Variants in BAZ2B observed in about 807,000 individuals in gnomAD.
The protein encoded by BAZ2B is bromodomain adjacent to zinc finger domain protein 2B.
BAZ2B carries 91 observed loss-of-function variants against 246.0 expected under a neutral mutation model. The ratio of observed to expected loss-of-function variants is 0.37; its 90% CI spans 0.31 to 0.44. The LOEUF (loss-of-function observed/expected upper bound fraction) is 0.44, where lower values mean the gene tolerates loss of function less well. Among genes scored for constraint, BAZ2B ranks in the 20% least tolerant of loss-of-function variants. BAZ2B has a pLI of 1.00. For synonymous variants in BAZ2B, 855 were observed against 860.0 expected (o/e 0.99, Z 0.10); for missense variants, 2,332 against 2,533.7 (o/e 0.92, Z 1.71).
intron 31 of BAZ2B, among the ~76,000 whole-genome samples, chr2:159,339,001 C>G (rs1348079664): frequency 1.3e-5 from 2 of 151,938 alleles, no homozygotes; most frequent in Non-Finnish European, 2.9e-5. Context: ...TGTCCACTGC[C>G]TGAGATGCAA....
chr2:159,404,550 A>C (rs2065598452), intron 16 of BAZ2B: 2 of 255,708 alleles, frequency 7.8e-6, no homozygotes, highest in Non-Finnish European at 1.5e-5. Flanking sequence ...TCATTGACTG[A>C]TACATTAATT....
Position 159,320,083 on chromosome 2 carries a change from C to T in BAZ2B, c.*182G>A. ...ATCACACAAACCAATAACCGAGGGC[C>T]TTGGTTGTTGTAGGAATGAAGCCTT... On this transcript the variant is annotated 3_prime_UTR_variant, in exon 37 of 37. Coordinates refer to ENST00000392783, the MANE Select transcript of BAZ2B (RefSeq NM_013450.4). 2.0e-6 allele frequency: 1 copy of T among 511,516 alleles called. No homozygotes were observed. Among genetic ancestry groups the T allele is most frequent in the African/African-American group, 2.0e-5 (1 of 49,814 alleles). 31.7% of individuals were successfully genotyped at this position (511,516 alleles called of 1,614,324 possible).
chr2:159,704,114 A>G, the BAZ2B span, among the ~76,000 whole-genome samples: 1 of 152,240 alleles, frequency 6.6e-6, no homozygotes, highest in Non-Finnish European at 1.5e-5. Context: ...TGTCAAGAGC[A>G]CTGAAGCTCC....
Position 159,405,103 on chromosome 2 carries a change from G to C in BAZ2B, c.2689C>G (p.Gln897Glu), listed in dbSNP as rs776793832. The C allele has an allele frequency of 3.1e-6, 5 of 1,613,792 alleles. No individual in the cohort carries two copies. The highest frequency in any genetic ancestry group is 2.2e-5 in the South Asian group (2 of 91,054). ...CTCAAAAGCTTTATTTGTGCTGCTT[G>C]CCTGGCTATTTCTGAAAAACACAAA... ...RKLQAQEIAR[Q>E]AAQIKLLRKL... Residue 897 changes from glutamine (Q) to glutamate (E), a missense_variant, in exon 15 of 37, where the codon CAA becomes GAA. Coordinates refer to ENST00000392783, the MANE Select transcript of BAZ2B (RefSeq NM_013450.4).
At chr2:159,521,451 GAATAC>G (rs1354244670) in intron 2 of BAZ2B, among the ~76,000 whole-genome samples, 2 of 152,016 alleles carry the variant, frequency 1.3e-5, no homozygotes, top group African/African-American at 4.8e-5. Context: ...GAGGCTGTGA[GAATAC>G]AATATTCATT....
intron 2 of BAZ2B, among the ~76,000 whole-genome samples, chr2:159,546,363 C>A (rs1235821280): frequency 6.6e-6 from 1 of 151,522 alleles, no homozygotes. Context: ...CCATGTGAGA[C>A]GTGACTCCTT....
chr2:159,570,180 TTG>T (rs1491015105), intron 1 of BAZ2B, among the ~76,000 whole-genome samples: 7,079 of 111,402 alleles, frequency 0.064, 377 homozygotes, highest in African/African-American at 0.21. Flanking sequence ...AAGTTTTTTT[TTG>T]TTTTTTTTGT....
the BAZ2B span, among the ~76,000 whole-genome samples, chr2:159,661,488 G>C: frequency 6.6e-6 from 1 of 152,046 alleles, no homozygotes; most frequent in African/African-American, 2.4e-5. Flanking sequence ...ATGTGGTTGG[G>C]TTTTGTTTAG....
chr2:159,331,262 T>G (rs544876656), intron 34 of BAZ2B, among the ~76,000 whole-genome samples: 10 of 152,226 alleles, frequency 6.6e-5, no homozygotes, highest in Non-Finnish European at 1.3e-4. Flanking sequence ...TTTCTTCCGA[T>G]GACTTCCATT....
chr2:159,453,148 G>A (rs1198854663), intron 4 of BAZ2B, among the ~76,000 whole-genome samples: 1 of 152,014 alleles, frequency 6.6e-6, no homozygotes, highest in African/African-American at 2.4e-5. Context: ...AGAAATTTAA[G>A]AGTCTAGCTC....
intron 4 of BAZ2B, among the ~76,000 whole-genome samples, chr2:159,450,836 T>C (rs2074993044): frequency 6.6e-6 from 1 of 151,822 alleles, no homozygotes; most frequent in South Asian, 2.1e-4. Context: ...ATCTCCCGGA[T>C]TCAAGTGATT....
intron 2 of BAZ2B, among the ~76,000 whole-genome samples, chr2:159,504,120 C>T (rs1007585070): frequency 3.0e-4 from 42 of 140,110 alleles, no homozygotes; most frequent in Admixed American, 2.5e-3. Context: ...GGCACTTAGG[C>T]CTCTTAATTT....
At chr2:159,658,090 G>C in the BAZ2B span, among the ~76,000 whole-genome samples, 1 of 152,302 alleles carries the variant, frequency 6.6e-6, no homozygotes, top group South Asian at 2.1e-4. Context: ...TTATCAACTT[G>C]AGGGAGTTCC....
At chr2:159,590,661 A>T (rs765762471) in intron 1 of BAZ2B, among the ~76,000 whole-genome samples, 2 of 152,202 alleles carry the variant, frequency 1.3e-5, no homozygotes, top group Non-Finnish European at 2.9e-5. Flanking sequence ...TTAAGGCAAC[A>T]ATCAGTGAAA....
intron 2 of BAZ2B, among the ~76,000 whole-genome samples, chr2:159,484,700 G>T (rs1407140576): frequency 6.6e-6 from 1 of 152,150 alleles, no homozygotes; most frequent in East Asian, 1.9e-4. Flanking sequence ...CTGACAGCTG[G>T]TAGGTGTAAA....
At chr2:159,560,748 C>T (rs1419443720) in intron 1 of BAZ2B, among the ~76,000 whole-genome samples, 1 of 151,902 alleles carries the variant, frequency 6.6e-6, no homozygotes, top group African/African-American at 2.4e-5. Flanking sequence ...AAGCTGGTCT[C>T]GAACTCCTGA....
In BAZ2B at chr2:159,446,774, C is replaced by T; in HGVS notation, c.696+8G>A. Reference sequence around the variant, plus strand: ...TGTTATATATTAGTCCTTCCAAGTACAACTTACCTTATCTTTGATTTTGTC... The same window carrying T: ...TGTTATATATTAGTCCTTCCAAGTATAACTTACCTTATCTTTGATTTTGTC... On this transcript the variant is annotated splice_region_variant and intron_variant, in intron 6 of 36. Transcript: ENST00000392783. 1 of 1,596,844 alleles carries T rather than the reference C, an allele frequency of 6.3e-7. No homozygotes were observed. The highest frequency in any genetic ancestry group is 8.5e-7 in the Non-Finnish European group (1 of 1,171,936).
intron 3 of BAZ2B, among the ~76,000 whole-genome samples, chr2:159,472,029 A>G (rs2077865335): frequency 6.6e-6 from 1 of 152,212 alleles, no homozygotes; most frequent in African/African-American, 2.4e-5. Flanking sequence ...CTATAATCAG[A>G]TGAGTTCAAA....
chr2:159,479,091 T>C (rs1359429759), intron 2 of BAZ2B, among the ~76,000 whole-genome samples: 1 of 152,086 alleles, frequency 6.6e-6, no homozygotes, highest in Non-Finnish European at 1.5e-5. Context: ...CCTTAATGAA[T>C]AATTAAAAAA....
Sources: gnomAD v4.1 joint callset for allele counts (sites outside exome capture counted in the v4.1 genomes callset) on GRCh38, gnomAD v4.1.1 for gene constraint, MANE v1.5 for transcripts, NCBI Gene and HGNC (gene_info 2026-07-23, HGNC 2026-07-21) for gene names.